Variants in PTPN4 observed in about 807,000 individuals in gnomAD.
PTPN4 encodes the protein protein tyrosine phosphatase non-receptor type 4, also known as tyrosine-protein phosphatase non-receptor type 4.
A neutral mutation model predicts 135.5 loss-of-function variants in PTPN4; 49 were observed. The observed-to-expected ratio is 0.36, with a 90% CI of 0.29 to 0.46. The LOEUF (loss-of-function observed/expected upper bound fraction) is 0.46. PTPN4 is among the 20% of genes least tolerant of loss of function. The pLI is 1.00. For missense variants in PTPN4, 860 were observed against 1,101.0 expected (o/e 0.78, Z 3.10); for synonymous variants, 333 against 369.9 (o/e 0.90, Z 1.14).
chr2:119,812,615 GT>G (rs763975877), intron 2 of PTPN4, among the ~76,000 whole-genome samples: 4 of 152,090 alleles, frequency 2.6e-5, no homozygotes, highest in Non-Finnish European at 5.9e-5. Flanking sequence ...GGCTTGTGTT[GT>G]TTCAATGTCA....
At position 119,761,009 on chromosome 2, in the gene PTPN4, G is replaced by A. The variant is rs975960326; in HGVS notation, c.-18+625G>A. On this transcript the variant is annotated intron_variant, in intron 1 of 26. Transcript: ENST00000263708. ...CAAAACTTAGGGTGGAAGATTTTATGTCTGGGCTTGCATCATGTAGTGACA... is the reference window on the plus strand; with the variant it reads ...CAAAACTTAGGGTGGAAGATTTTATATCTGGGCTTGCATCATGTAGTGACA... Among the ~76,000 whole-genome samples, 17 of 152,128 alleles carry A rather than the reference G, an allele frequency of 1.1e-4. 1 individual carries two copies. The highest frequency in any genetic ancestry group is 3.6e-4 in the African/African-American group (15 of 41,510).
At position 119,914,716 on chromosome 2, in the gene PTPN4, A is replaced by G. The variant is rs1678626069; in HGVS notation, c.765-463A>G. Among the ~76,000 whole-genome samples, 3 of 152,156 alleles carry G rather than the reference A, an allele frequency of 2.0e-5. No individual in the cohort carries two copies. The South Asian group carries it at 6.2e-4, about 32-fold the overall frequency. On this transcript the variant is annotated intron_variant, in intron 10 of 26. Transcript: ENST00000263708. ...AATGAGACAAAATGACTTGGCTCATATTGATTGTACTAATAAGGCTTTGAG... is the reference window on the plus strand; with the variant it reads ...AATGAGACAAAATGACTTGGCTCATGTTGATTGTACTAATAAGGCTTTGAG...
rs1574422580 is a variant in PTPN4, at chr2:119,960,965, T to C, written c.2280+12T>C. 2 of 1,608,724 alleles carry C rather than the reference T, an allele frequency of 1.2e-6. No individual in the cohort carries two copies. Among genetic ancestry groups the C allele is most frequent in the Middle Eastern group, 1.7e-4 (1 of 6,032 alleles). ...TTGAACGTGGCAGAGTAAGTCATAG[T>C]TGAATCTTACACATTGCTTGGACTT... On this transcript the variant is annotated intron_variant, in intron 23 of 26. Transcript: ENST00000263708.
intron 1 of PTPN4, among the ~76,000 whole-genome samples, chr2:119,789,850 G>A (rs1007730532): frequency 3.3e-5 from 5 of 152,040 alleles, no homozygotes; most frequent in Non-Finnish European, 7.3e-5. Context: ...AGCCTCCTGA[G>A]TAGCTGGGAT....
Position 119,882,544 on chromosome 2 carries a change from T to G in PTPN4, c.508T>G (p.Tyr170Asp). 6.4e-7 allele frequency: 1 copy of G among 1,552,270 alleles called. No individual in the cohort carries two copies. The highest frequency in any genetic ancestry group is 8.8e-7 in the Non-Finnish European group (1 of 1,141,002). The change falls in exon 8 of 27, where the codon TAC (tyrosine) becomes GAC (aspartate). Residue 170 changes from tyrosine (Y) to aspartate (D), a missense_variant. By Grantham distance (160) the Tyr-to-Asp change is radical. This residue lies in a region of PTPN4 where 684 missense variants were observed against 807.0 expected (regional missense o/e 0.85). Coordinates refer to ENST00000263708, the MANE Select transcript of PTPN4 (RefSeq NM_002830.4). The part of the protein sequence containing the change: ...DYDQSENLSG[Y>D]LSDYSFIPNQ... Reference sequence around the variant, plus strand: ...CGATCAGTCAGAGAACTTGTCAGGCTACCTCTCAGATTATTCTTTCATTCC... The same window carrying G: ...CGATCAGTCAGAGAACTTGTCAGGCGACCTCTCAGATTATTCTTTCATTCC...
At chr2:119,942,067 A>T (rs1365457125) in intron 15 of PTPN4, among the ~76,000 whole-genome samples, 1 of 152,246 alleles carries the variant, frequency 6.6e-6, no homozygotes, top group Admixed American at 6.5e-5. Context: ...TTATTTTTAT[A>T]AAAACAATGA....
At chr2:119,960,739 T>C in intron 22 of PTPN4, 68 bp from the exon 23 acceptor site, 2 of 1,509,208 alleles carry the variant, frequency 1.3e-6, no homozygotes, top group Non-Finnish European at 1.8e-6. Context: ...TAGTGGATGA[T>C]TTTCCTATTC....
chr2:119,915,215 G>A lies in PTPN4; in HGVS notation c.801G>A (p.Gln267=), dbSNP rs1254298120. 2 of 1,540,198 alleles carry A rather than the reference G, an allele frequency of 1.3e-6. No individual in the cohort carries two copies. The highest frequency in any genetic ancestry group is 2.8e-5 in the African/African-American group (2 of 70,434). ...TAAAAATTTCTTTTAAGTGCAAACA[G>A]TTTTTTATTCAACTTAGAAAAGAAT... is the stretch of plus-strand genomic sequence containing the variant. ...KIVKISFKCK[Q]FFIQLRKELH... The change falls in exon 11 of 27, where the codon CAG becomes CAA. Residue 267 remains glutamine, a synonymous_variant. Transcript: ENST00000263708.
chr2:119,956,426 T>A (rs1679283882), intron 20 of PTPN4, among the ~76,000 whole-genome samples: 1 of 152,090 alleles, frequency 6.6e-6, no homozygotes, highest in Non-Finnish European at 1.5e-5. Flanking sequence ...TCATTAATAT[T>A]TGTTGTTCTG....
At chr2:119,964,836 C>T (rs1679423685) in intron 24 of PTPN4, among the ~76,000 whole-genome samples, 1 of 152,064 alleles carries the variant, frequency 6.6e-6, no homozygotes, top group Non-Finnish European at 1.5e-5. Context: ...TTCTAAAATT[C>T]CAATGACATG....
At chr2:119,950,996 T>C (rs1014730560) in intron 18 of PTPN4, among the ~76,000 whole-genome samples, 1 of 152,220 alleles carries the variant, frequency 6.6e-6, no homozygotes, top group Non-Finnish European at 1.5e-5. Context: ...TAATATAGGA[T>C]TTTGTATCCT....
intron 19 of PTPN4, among the ~76,000 whole-genome samples, chr2:119,952,539 C>T (rs1339713310): frequency 6.6e-6 from 1 of 152,182 alleles, no homozygotes; most frequent in East Asian, 1.9e-4. Context: ...TCTCCCATTT[C>T]CCCTAAATGG....
intron 2 of PTPN4, among the ~76,000 whole-genome samples, chr2:119,831,729 A>G (rs1225695551): frequency 1.3e-5 from 2 of 152,192 alleles, no homozygotes; most frequent in African/African-American, 2.4e-5. Context: ...CCTTCAATCT[A>G]CCTATATCAT....
intron 19 of PTPN4, among the ~76,000 whole-genome samples, chr2:119,953,354 T>C (rs1679236069): frequency 6.6e-6 from 1 of 152,174 alleles, no homozygotes; most frequent in East Asian, 1.9e-4. Flanking sequence ...TTCTTTTTTG[T>C]AAACAAAAAA....
intron 6 of PTPN4, 125 bp from the exon 7 acceptor site, chr2:119,881,972 G>A: frequency 1.1e-5 from 12 of 1,113,118 alleles, no homozygotes; most frequent in Non-Finnish European, 1.6e-5. Context: ...CATCAGATAA[G>A]TTTATTTCTT....
chr2:119,880,773 A>T (rs966726699), intron 5 of PTPN4, among the ~76,000 whole-genome samples: 2 of 152,006 alleles, frequency 1.3e-5, no homozygotes, highest in South Asian at 2.1e-4. Context: ...AATAGATTAT[A>T]TTTATAATAT....
chr2:119,955,583 A>G (rs1259184223), intron 20 of PTPN4, among the ~76,000 whole-genome samples: 2 of 152,168 alleles, frequency 1.3e-5, no homozygotes, highest in South Asian at 2.1e-4. Context: ...ATTTTTTTCT[A>G]TAGTTAAATA....
chr2:119,982,203 T>A lies in PTPN4; in HGVS notation c.*5133T>A, dbSNP rs1162638506. ...AAGTTTCATTTAAACACTGTAGAGTTTCCTACCTTTGTTGTGTAAAGGATA... is the reference window on the plus strand; with the variant it reads ...AAGTTTCATTTAAACACTGTAGAGTATCCTACCTTTGTTGTGTAAAGGATA... On this transcript the variant is annotated 3_prime_UTR_variant, in exon 27 of 27. Transcript: ENST00000263708. The A allele has an allele frequency of 6.6e-6, 1 of 152,178 alleles. No individual in the cohort carries two copies. The highest frequency in any genetic ancestry group is 1.9e-4 in the East Asian group (1 of 5,198). The allele number at this position is 152,178 out of a possible 1,614,324, so 9.4% of individuals were successfully genotyped here.
intron 2 of PTPN4, among the ~76,000 whole-genome samples, chr2:119,847,328 A>ATTT (rs150876390): frequency 0.011 from 1,126 of 102,652 alleles, 47 homozygotes; most frequent in African/African-American, 0.036. Context: ...ATATATATAT[A>ATTT]TTTTTTTTTT....
Sources: allele counts gnomAD v4.1 joint callset (sites outside exome capture counted in the v4.1 genomes callset), GRCh38; gene constraint gnomAD v4.1.1; regional missense constraint gnomAD v4.1.1; transcripts MANE v1.5; gene names NCBI Gene and HGNC (gene_info 2026-07-23, HGNC 2026-07-21).